The following CPVL variants were observed in gnomAD, a reference collection of about 807,000 sequenced individuals.
The protein encoded by CPVL is carboxypeptidase vitellogenic like.
Under a neutral mutation model 63.7 loss-of-function variants are expected in CPVL, and 51 were observed. That is an observed-to-expected ratio of 0.80 (90% CI 0.64 to 1.01). The LOEUF is 1.01. Ranked by LOEUF, CPVL falls within the 50% of genes least tolerant of loss-of-function variation. CPVL has a pLI of 0.00. For missense variants in CPVL, 530 were observed against 573.1 expected, an observed-to-expected ratio of 0.92 and a Z score of 0.77; for synonymous variants, 195 against 206.0, an observed-to-expected ratio of 0.95 and a Z score of 0.46.
At chr7:29,154,835 T>C (rs1241357292) in intron 5 of CPVL, among the ~76,000 whole-genome samples, 1 of 152,026 alleles carries the variant, frequency 6.6e-6, no homozygotes, top group Non-Finnish European at 1.5e-5. Context: ...ACTCCGTGTA[T>C]TAGTCCATTT....
intron 11 of CPVL, among the ~76,000 whole-genome samples, chr7:29,058,700 C>T (rs1790987721): frequency 6.6e-6 from 1 of 152,082 alleles, no homozygotes; most frequent in Non-Finnish European, 1.5e-5. Context: ...TCTCTCAACA[C>T]TTTAAATATT....
At chr7:29,100,985 T>C (rs201847071) in intron 3 of CPVL, among the ~76,000 whole-genome samples, 2 of 152,204 alleles carry the variant, frequency 1.3e-5, no homozygotes, top group East Asian at 3.9e-4. Context: ...TAATATAATA[T>C]GGCATCAAAT....
Position 29,072,301 on chromosome 7 carries a change from T to C in CPVL, c.732A>G (p.Ser244=), listed in dbSNP as rs1783826202. ...TAGAAAGTCAGAAGGAGAAACCTAC[T>C]GATTCGGGATCAGAATATCCATCTC... The part of the protein sequence containing the change: ...AIGDGYSDPE[S]IIGGYAEFLY... The change falls in exon 8 of 13, where the codon TCA becomes TCG. Residue 244 remains serine (S), a splice_region_variant and synonymous_variant. Transcript: ENST00000265394. 1 of 1,613,926 alleles carries C rather than the reference T, an allele frequency of 6.2e-7. No homozygotes were observed. Among genetic ancestry groups the C allele is most frequent in the Non-Finnish European group, 8.5e-7 (1 of 1,179,958 alleles).
chr7:29,190,873 T>C (rs1344962205), intron 1 of CPVL, among the ~76,000 whole-genome samples: 2 of 151,930 alleles, frequency 1.3e-5, no homozygotes, highest in African/African-American at 4.8e-5. Context: ...TGAGCACCTA[T>C]TGTATGCAAA....
At chr7:29,130,918 G>A (rs1401076199) in intron 1 of CPVL, among the ~76,000 whole-genome samples, 1 of 152,190 alleles carries the variant, frequency 6.6e-6, no homozygotes, top group African/African-American at 2.4e-5. Context: ...GATTTCTAGT[G>A]TACTTCTTTC....
At chr7:29,101,375 T>A (rs886843736) in intron 3 of CPVL, among the ~76,000 whole-genome samples, 1 of 151,908 alleles carries the variant, frequency 6.6e-6, no homozygotes, top group East Asian at 1.9e-4. Flanking sequence ...CTGAGGCGGG[T>A]GGATCACGAG....
chr7:29,187,866 A>G (rs1415777554), intron 1 of CPVL, among the ~76,000 whole-genome samples: 1 of 152,266 alleles, frequency 6.6e-6, no homozygotes, highest in Non-Finnish European at 1.5e-5. Context: ...TGTTGGGCAT[A>G]CATTCATTTA....
chr7:29,190,245 A>G (rs530620926), intron 1 of CPVL, among the ~76,000 whole-genome samples: 1 of 152,354 alleles, frequency 6.6e-6, no homozygotes, highest in East Asian at 1.9e-4. Context: ...CAAAAGGACC[A>G]CTTTCAGGGT....
At chr7:29,195,008 G>C (rs780116645) in intron 1 of CPVL, 3 of 1,581,996 alleles carry the variant, frequency 1.9e-6, no homozygotes, top group East Asian at 2.4e-5. Flanking sequence ...TCAGCCCGTC[G>C]GGCGCTGCTG....
At chr7:29,033,416 G>C (rs1360180872) in intron 11 of CPVL, among the ~76,000 whole-genome samples, 1 of 152,148 alleles carries the variant, frequency 6.6e-6, no homozygotes, top group Non-Finnish European at 1.5e-5. Flanking sequence ...TGATAGAAAA[G>C]TTCCAGGGAG....
Position 28,995,275 on chromosome 7 carries a change from C to G in CPVL, c.*497G>C, listed in dbSNP as rs1583905029. Reference sequence around the variant, plus strand: ...TTTTATTTCAAAGAATTCTTTTGTTCTAAGACTTTATACATTTGAGAATCT... The same window carrying G: ...TTTTATTTCAAAGAATTCTTTTGTTGTAAGACTTTATACATTTGAGAATCT... On this transcript the variant is annotated 3_prime_UTR_variant, in exon 13 of 13. Transcript: ENST00000265394. 6.5e-6 allele frequency: 1 copy of G among 152,898 alleles called. No individual in the cohort carries two copies. Among genetic ancestry groups the G allele is most frequent in the South Asian group, 2.1e-4 (1 of 4,832 alleles). The allele number at this position is 152,898 out of a possible 1,614,324, so 9.5% of individuals were successfully genotyped here. A position where few individuals can be genotyped will look rare whatever the true frequency, so the allele number is the denominator to read the frequency against.
intron 1 of CPVL, among the ~76,000 whole-genome samples, chr7:29,128,951 G>A (rs1212275105): frequency 6.6e-6 from 1 of 152,144 alleles, no homozygotes. Flanking sequence ...TGAGGCTGGA[G>A]AGACAGATAA....
At chr7:29,186,264 T>A (rs1033522956) in intron 2 of CPVL, among the ~76,000 whole-genome samples, 44 of 150,108 alleles carry the variant, frequency 2.9e-4, no homozygotes, top group African/African-American at 1.0e-3. Context: ...AAAAAAAAAA[T>A]GACAGTATCA....
At chr7:29,090,576 T>A (rs1199460445) in intron 6 of CPVL, among the ~76,000 whole-genome samples, 2 of 152,192 alleles carry the variant, frequency 1.3e-5, no homozygotes, top group Non-Finnish European at 2.9e-5. Context: ...GAGGACTGCT[T>A]ACTACTGTCT....
upstream of CPVL, among the ~76,000 whole-genome samples, chr7:29,149,055 G>A (rs79192958): frequency 1.7e-3 from 254 of 152,280 alleles, no homozygotes; most frequent in African/African-American, 5.3e-3. Context: ...GACACCAGGC[G>A]TGTTCAGGGT....
intron 7 of CPVL, among the ~76,000 whole-genome samples, chr7:29,077,091 T>C (rs373619577): frequency 1.2e-4 from 19 of 152,248 alleles, no homozygotes; most frequent in South Asian, 8.3e-4. Context: ...GCCTACTTAC[T>C]GTAACCTGCC....
At chr7:29,162,400 A>G (rs35481765) in intron 5 of CPVL, among the ~76,000 whole-genome samples, 19,749 of 152,192 alleles carry the variant, frequency 0.13, 1,484 homozygotes, top group African/African-American at 0.2. Flanking sequence ...GGTGGCTCAC[A>G]CCTGTAATCC....
At chr7:29,017,203 GC>G (rs1786501084) in intron 12 of CPVL, among the ~76,000 whole-genome samples, 1 of 152,064 alleles carries the variant, frequency 6.6e-6, no homozygotes, top group Admixed American at 6.6e-5. Flanking sequence ...CCATGACACT[GC>G]CCACCATATT....
chr7:29,046,769 A>G (rs571381729), intron 11 of CPVL, among the ~76,000 whole-genome samples: 1 of 152,292 alleles, frequency 6.6e-6, no homozygotes, highest in African/African-American at 2.4e-5. Flanking sequence ...CTCTCCAAAG[A>G]GCAGAGATTT....
Sources: allele counts gnomAD v4.1 joint callset (sites outside exome capture counted in the v4.1 genomes callset), GRCh38; gene constraint gnomAD v4.1.1; transcripts MANE v1.5; gene names NCBI Gene and HGNC (gene_info 2026-07-23, HGNC 2026-07-21).